TMEM178A: variants seen among roughly 807,000 people sequenced by gnomAD.
The protein encoded by TMEM178A is transmembrane protein 178.
A neutral mutation model predicts 29.1 loss-of-function variants in TMEM178A; 12 were observed. That is an observed-to-expected ratio of 0.41 (90% confidence interval 0.26 to 0.67). TMEM178A has a LOEUF of 0.67. Ranked by LOEUF, TMEM178A falls within the 30% of genes least tolerant of loss-of-function variation. TMEM178A has a pLI of 0.29. For missense variants in TMEM178A, 366 were observed against 419.1 expected (o/e 0.87, Z 1.11); for synonymous variants, 210 against 187.2 (o/e 1.12, Z -0.99).
intron 1 of TMEM178A, among the ~76,000 whole-genome samples, chr2:39,677,805 G>T (rs1670692978): frequency 6.6e-6 from 1 of 151,888 alleles, no homozygotes; most frequent in Admixed American, 6.6e-5. Flanking sequence ...CTCAGAGCAG[G>T]AATTATGAAG....
At chr2:39,727,838 T>C in the TMEM178A span, among the ~76,000 whole-genome samples, 1 of 152,092 alleles carries the variant, frequency 6.6e-6, no homozygotes, top group African/African-American at 2.4e-5. Flanking sequence ...CTGTGACAGT[T>C]TGCTGAGAAT....
At chr2:39,714,365 C>A (rs959536771) in intron 3 of TMEM178A, among the ~76,000 whole-genome samples, 6 of 151,638 alleles carry the variant, frequency 4.0e-5, no homozygotes, top group Admixed American at 3.9e-4. Flanking sequence ...AAAAAAAAAA[C>A]TTAACTGGCA....
At chr2:39,667,935 G>A (rs1670241993) in intron 1 of TMEM178A, among the ~76,000 whole-genome samples, 1 of 152,178 alleles carries the variant, frequency 6.6e-6, no homozygotes, top group African/African-American at 2.4e-5. Context: ...GCTCATTTAG[G>A]CAAGGCAATT....
chr2:39,681,082 A>G (rs1032859221), intron 1 of TMEM178A, among the ~76,000 whole-genome samples: 5 of 152,156 alleles, frequency 3.3e-5, no homozygotes, highest in African/African-American at 7.2e-5. Flanking sequence ...AGCCCTACTC[A>G]AGAAATTTGA....
the TMEM178A span, among the ~76,000 whole-genome samples, chr2:39,730,571 C>A: frequency 6.6e-6 from 1 of 152,196 alleles, no homozygotes; most frequent in Non-Finnish European, 1.5e-5. Context: ...CATGGTTGCC[C>A]TGTAAGAAAG....
intron 3 of TMEM178A, among the ~76,000 whole-genome samples, chr2:39,712,041 T>TTG (rs61303746): frequency 0.042 from 5,882 of 139,210 alleles, 238 homozygotes; most frequent in African/African-American, 0.098. Flanking sequence ...GAATTGCATT[T>TTG]TGTGTGTGTG....
intron 3 of TMEM178A, among the ~76,000 whole-genome samples, chr2:39,714,231 G>C (rs931406641): frequency 3.3e-5 from 5 of 152,116 alleles, no homozygotes; most frequent in Non-Finnish European, 7.4e-5. Context: ...TGTGGGAAGG[G>C]GGATGGAGAG....
chr2:39,682,770 T>C (rs560455599), intron 1 of TMEM178A, among the ~76,000 whole-genome samples: 13 of 152,144 alleles, frequency 8.5e-5, no homozygotes, highest in Non-Finnish European at 1.8e-4. Flanking sequence ...GAGGAGAAAA[T>C]GAGGATGAAA....
At chr2:39,730,524 A>G in the TMEM178A span, among the ~76,000 whole-genome samples, 3 of 152,176 alleles carry the variant, frequency 2.0e-5, no homozygotes, top group Admixed American at 6.5e-5. Flanking sequence ...TCTGGCACCA[A>G]GAAGCTTATG....
rs1354485573 is a variant in TMEM178A at position 39,704,093 on chromosome 2, G to A, written c.413G>A (p.Arg138Gln). 6.8e-6 allele frequency: 11 copies of A among 1,613,950 alleles called. No individual in the cohort carries two copies. The highest frequency in any genetic ancestry group is 2.2e-5 in the East Asian group (1 of 44,904). ...TATTTCCTTCAAGGTATTGCGCAGC[G>A]ATGCACGGCCATCAAGTACCACTTT... Reference protein sequence around the residue: ...DTLILKGIAQRCTAIKYHFSQ... With the variant: ...DTLILKGIAQQCTAIKYHFSQ... The change falls in exon 2 of 4, where the codon CGA (arginine) becomes CAA (glutamine). Residue 138 changes from arginine to glutamine, a missense_variant. This residue lies in a region of TMEM178A where 247 missense variants were observed against 246.8 expected (regional missense o/e 1.00). Coordinates refer to ENST00000281961, the MANE Select transcript of TMEM178A (RefSeq NM_152390.3).
chr2:39,667,280 G>T (rs1368206400), intron 1 of TMEM178A, among the ~76,000 whole-genome samples: 6 of 151,282 alleles, frequency 4.0e-5, no homozygotes, highest in Non-Finnish European at 5.9e-5. Context: ...GCATCAATTT[G>T]TTCTTCTGAA....
At chr2:39,716,468 C>T (rs1672540431) in intron 3 of TMEM178A, among the ~76,000 whole-genome samples, 1 of 151,932 alleles carries the variant, frequency 6.6e-6, no homozygotes, top group Non-Finnish European at 1.5e-5. Context: ...TAAGACTGTG[C>T]CTTAACAAAA....
intron 1 of TMEM178A, among the ~76,000 whole-genome samples, chr2:39,688,055 G>C (rs1014580735): frequency 9.9e-5 from 15 of 152,176 alleles, no homozygotes; most frequent in African/African-American, 3.6e-4. Flanking sequence ...TCAGCACAGA[G>C]CCTGGCATAT....
intron 1 of TMEM178A, among the ~76,000 whole-genome samples, chr2:39,680,004 C>T (rs140198920): frequency 1.3e-5 from 2 of 151,960 alleles, no homozygotes; most frequent in East Asian, 3.9e-4. Flanking sequence ...TTCAAGAGAC[C>T]GGTGGTTTTA....
chr2:39,671,621 T>A (rs1049871227), intron 1 of TMEM178A, among the ~76,000 whole-genome samples: 1 of 152,248 alleles, frequency 6.6e-6, no homozygotes, highest in Non-Finnish European at 1.5e-5. Context: ...CTGTGATTTA[T>A]GTTTATTCAT....
intron 1 of TMEM178A, among the ~76,000 whole-genome samples, chr2:39,696,977 C>A (rs2148088654): frequency 6.6e-6 from 1 of 152,244 alleles, no homozygotes; most frequent in East Asian, 1.9e-4. Context: ...TGAGCTCATG[C>A]TTTTTGTGTT....
chr2:39,686,963 ATGTGTG>A (rs4015737), intron 1 of TMEM178A, among the ~76,000 whole-genome samples: 11,361 of 120,060 alleles, frequency 0.095, 557 homozygotes, highest in African/African-American at 0.14. Flanking sequence ...GCACATATGC[ATGTGTG>A]TGTGTGTGTG....
chr2:39,696,617 G>T (rs188413485), intron 1 of TMEM178A, among the ~76,000 whole-genome samples: 89 of 152,252 alleles, frequency 5.8e-4, no homozygotes, highest in African/African-American at 2.0e-3. Context: ...CTGTCTGACC[G>T]CAAGGTCTTT....
downstream of TMEM178A, among the ~76,000 whole-genome samples, chr2:39,719,613 T>C (rs1436951326): frequency 6.6e-6 from 1 of 152,246 alleles, no homozygotes; most frequent in Non-Finnish European, 1.5e-5. Flanking sequence ...CTTAGGAGTT[T>C]TTTCTTAACT....
Sources: allele counts gnomAD v4.1 joint callset (sites outside exome capture counted in the v4.1 genomes callset), GRCh38; gene constraint gnomAD v4.1.1; regional missense constraint gnomAD v4.1.1; transcripts MANE v1.5; gene names NCBI Gene and HGNC (gene_info 2026-07-23, HGNC 2026-07-21).